The following ABCG2 variants were observed in gnomAD, a reference collection of about 807,000 sequenced individuals.
ABCG2 encodes ATP binding cassette subfamily G member 2 (JR blood group).
A neutral mutation model predicts 73.5 loss-of-function variants in ABCG2; 80 were observed. The observed-to-expected ratio is 1.09, with a 90% CI of 0.91 to 1.31. The LOEUF is 1.31. Among genes scored for constraint, ABCG2 ranks in the 50% most tolerant of loss-of-function variants. The probability of loss-of-function intolerance (pLI) is 0.00; values close to 1 mark genes in which losing one functional copy is unlikely to be tolerated. For synonymous variants in ABCG2, 269 were observed against 282.4 expected, an observed-to-expected ratio of 0.95 and a Z score of 0.48; for missense variants, 796 against 786.2, an observed-to-expected ratio of 1.01 and a Z score of -0.15.
intron 13 of ABCG2, among the ~76,000 whole-genome samples, chr4:88,096,892 C>T (rs45591540): frequency 0.013 from 2,029 of 152,220 alleles, 37 homozygotes; most frequent in African/African-American, 0.046. Flanking sequence ...CCAAAATAGA[C>T]TACTCAAACC....
rs536896395 is a variant in ABCG2, at chr4:88,223,224, G to A, written c.-20+7770C>T. Among the ~76,000 whole-genome samples the A allele has an allele frequency of 7.9e-4, 120 of 152,268 alleles. 4 individuals are homozygous for A. In the South Asian group the frequency reaches 0.023, roughly 29 times the overall value. On this transcript the variant is annotated intron_variant, in intron 1 of 15. Coordinates refer to the ABCG2 transcript ENST00000515655. ...AATGCTGGAATGAGTTAAGACTTTG[G>A]GGGACTGTTGGAAGGGCATGATTGT... is the stretch of plus-strand genomic sequence containing the variant.
chr4:88,103,868 C>A (rs1280388682), intron 10 of ABCG2, among the ~76,000 whole-genome samples: 2 of 152,194 alleles, frequency 1.3e-5, no homozygotes, highest in East Asian at 3.8e-4. Flanking sequence ...ATAATATTCT[C>A]CAATTACATC....
At chr4:88,217,539 A>G (rs1312229264) in intron 1 of ABCG2, among the ~76,000 whole-genome samples, 1 of 151,926 alleles carries the variant, frequency 6.6e-6, no homozygotes, top group African/African-American at 2.4e-5. Flanking sequence ...GTGTGTGCCT[A>G]TAGTCCCAGC....
chr4:88,198,030 A>G (rs1210398039), intron 1 of ABCG2, among the ~76,000 whole-genome samples: 1 of 145,710 alleles, frequency 6.9e-6, no homozygotes, highest in Admixed American at 6.9e-5. Flanking sequence ...ACTGTCTCCA[A>G]AAAAAAAAAA....
intron 1 of ABCG2, among the ~76,000 whole-genome samples, chr4:88,209,296 C>T (rs1400798330): frequency 3.9e-4 from 44 of 113,838 alleles, no homozygotes; most frequent in African/African-American, 1.5e-3. Context: ...GGCGACAGAG[C>T]GAGACTCCAT....
intron 1 of ABCG2, among the ~76,000 whole-genome samples, chr4:88,215,366 AT>A (rs1245126226): frequency 6.6e-6 from 1 of 152,182 alleles, no homozygotes; most frequent in African/African-American, 2.4e-5. Flanking sequence ...AATGCCAGAA[AT>A]TTCCTAACAT....
intron 10 of ABCG2, among the ~76,000 whole-genome samples, chr4:88,106,190 T>G (rs545699843): frequency 3.1e-4 from 47 of 152,302 alleles, no homozygotes; most frequent in African/African-American, 1.1e-3. Flanking sequence ...CAGGCTGGAC[T>G]GCAGTAGTGC....
At chr4:88,228,311 G>A (rs973268595) in intron 1 of ABCG2, among the ~76,000 whole-genome samples, 5 of 152,128 alleles carry the variant, frequency 3.3e-5, no homozygotes, top group East Asian at 1.9e-4. Flanking sequence ...GGCCTCATCC[G>A]AGAAAATGGG....
At position 88,131,817 on chromosome 4, in the gene ABCG2, C is replaced by A. The variant is rs1292996300; in HGVS notation, c.364G>T (p.Gly122Cys). The A allele has an allele frequency of 6.2e-7, 1 of 1,613,244 alleles. No homozygotes were observed. The stretch of plus-strand genomic sequence containing the variant: ...CTAATACTTACTTGTACCACGTAAC[C>A]TGAATTACATTTGAAATTGGCAGGT... The part of the protein sequence containing the change: ...PRPANFKCNS[G>C]YVVQDDVVMG... Residue 122 changes from glycine (G) to cysteine (C), a missense_variant, in exon 4 of 16, where the codon GGT becomes TGT. Gly to Cys is a radical substitution (Grantham distance 159). Transcript: ENST00000237612.
Position 88,095,504 on chromosome 4 carries a change from G to T in ABCG2, c.1737+16C>A. ...GCTTGGGAATGCAGTCACAGTGACAGACAAGGAAGACATACCGTAAATCCA... is the reference window on the plus strand; with the variant it reads ...GCTTGGGAATGCAGTCACAGTGACATACAAGGAAGACATACCGTAAATCCA... On this transcript the variant is annotated intron_variant, in intron 14 of 15. Coordinates refer to ENST00000237612, the MANE Select transcript of ABCG2 (RefSeq NM_004827.3). 1 of 1,602,642 alleles carries T rather than the reference G, an allele frequency of 6.2e-7. No homozygotes were observed. Among genetic ancestry groups the T allele is most frequent in the African/African-American group, 1.3e-5 (1 of 74,816 alleles).
rs368800871 is a variant in ABCG2, at chr4:88,122,139, C to T, written c.532-347G>A. ...GGGATGGTGTATTCCGGCCCACATACTGTACTTTTCCCATGGTATTCACAA... is the reference window on the plus strand; with the variant it reads ...GGGATGGTGTATTCCGGCCCACATATTGTACTTTTCCCATGGTATTCACAA... On this transcript the variant is annotated intron_variant, in intron 5 of 15. Transcript: ENST00000237612. Among the ~76,000 whole-genome samples the T allele has an allele frequency of 1.6e-3, 239 of 152,204 alleles. 6 individuals carry two copies. The South Asian group carries it at 0.049, about 31-fold the overall frequency.
chr4:88,096,746 C>T (rs1480520964), intron 13 of ABCG2, among the ~76,000 whole-genome samples: 3 of 149,468 alleles, frequency 2.0e-5, no homozygotes, highest in East Asian at 3.9e-4. Flanking sequence ...GATTAAGTAA[C>T]CATTAAAAAA....
Position 88,118,105 on chromosome 4 carries a change from A to C in ABCG2, c.841+4T>G. 1.2e-6 allele frequency: 2 copies of C among 1,611,920 alleles called. No individual in the cohort carries two copies. The highest frequency in any genetic ancestry group is 8.5e-7 in the Non-Finnish European group (1 of 1,179,332). On this transcript the variant is annotated splice_donor_region_variant and intron_variant, in intron 7 of 15. Coordinates refer to ENST00000237612, the MANE Select transcript of ABCG2 (RefSeq NM_004827.3). ...ATTTTACAGCATAAAAAAGTCAACCATACCAGCTGATTCAAAGTATCCCAA... is the reference window on the plus strand; with the variant it reads ...ATTTTACAGCATAAAAAAGTCAACCCTACCAGCTGATTCAAAGTATCCCAA...
At chr4:88,107,785 A>G (rs1292888370) in intron 9 of ABCG2, among the ~76,000 whole-genome samples, 2 of 152,218 alleles carry the variant, frequency 1.3e-5, no homozygotes, top group Admixed American at 1.3e-4. Flanking sequence ...AGCACACATT[A>G]AAAAAATTCT....
rs534089006 is a variant in ABCG2, at chr4:88,182,632, A to G, written c.-19-42618T>C. 1.1e-4 allele frequency among the ~76,000 whole-genome samples: 17 copies of G among 152,342 alleles called. No homozygotes were observed. In the East Asian group the frequency reaches 3.3e-3, roughly 29 times the overall value. ...AACTATACAAACACATGGAAATTAAACAACATGCTCCTGAATGACTAGTGG... is the reference window on the plus strand; with the variant it reads ...AACTATACAAACACATGGAAATTAAGCAACATGCTCCTGAATGACTAGTGG... On this transcript the variant is annotated intron_variant, in intron 1 of 15. Transcript: ENST00000515655.
intron 2 of ABCG2, among the ~76,000 whole-genome samples, chr4:88,138,765 G>A (rs12641369): frequency 0.21 from 31,598 of 152,052 alleles, 5,596 homozygotes; most frequent in African/African-American, 0.46. Flanking sequence ...AGATCTGACT[G>A]CATTTTTATG....
intron 1 of ABCG2, among the ~76,000 whole-genome samples, chr4:88,216,309 C>T (rs1729810033): frequency 6.6e-6 from 1 of 152,176 alleles, no homozygotes; most frequent in African/African-American, 2.4e-5. Flanking sequence ...ATGCATGGAC[C>T]TTTTGGAATG....
In ABCG2 at chr4:88,091,347, C is replaced by A. The variant is rs1387913429; in HGVS notation, c.*887G>T. 1 of 152,132 alleles carries A rather than the reference C, an allele frequency of 6.6e-6. No homozygotes were observed. The highest frequency in any genetic ancestry group is 1.5e-5 in the Non-Finnish European group (1 of 68,032). The allele number at this position is 152,132 out of a possible 1,614,324, so 9.4% of individuals were successfully genotyped here. On this transcript the variant is annotated 3_prime_UTR_variant, in exon 16 of 16. Coordinates refer to ENST00000237612, the MANE Select transcript of ABCG2 (RefSeq NM_004827.3). ...GTAGGAAAGAAAACCTATGTAGGGA[C>A]AGATGTTAATAGTTATTAAATCCTA...
At chr4:88,127,972 T>G (rs1454117394) in intron 5 of ABCG2, among the ~76,000 whole-genome samples, 1 of 143,476 alleles carries the variant, frequency 7.0e-6, no homozygotes, top group Admixed American at 6.9e-5. Flanking sequence ...AAAAAAAAAC[T>G]ATCTTCAGAG....
Sources: gnomAD v4.1 joint callset for allele counts (sites outside exome capture counted in the v4.1 genomes callset) on GRCh38, gnomAD v4.1.1 for gene constraint, MANE v1.5 for transcripts, NCBI Gene and HGNC (gene_info 2026-07-23, HGNC 2026-07-21) for gene names.